The following SPATA9 variants were observed in gnomAD, a reference collection of about 807,000 sequenced individuals.
SPATA9 encodes spermatogenesis associated 9.
Under a neutral mutation model 25.5 loss-of-function variants are expected in SPATA9, and 27 were observed. The observed-to-expected ratio is 1.06, with a 90% CI of 0.78 to 1.46. The LOEUF is 1.46. Among genes scored for constraint, SPATA9 ranks in the 40% most tolerant of loss-of-function variants. SPATA9 has a pLI of 0.00. For missense variants in SPATA9, 282 were observed against 297.5 expected, an observed-to-expected ratio of 0.95 and a Z score of 0.38; for synonymous variants, 102 against 105.7, an observed-to-expected ratio of 0.97 and a Z score of 0.21.
upstream of SPATA9, among the ~76,000 whole-genome samples, chr5:95,699,315 C>T (rs1167621701): frequency 6.6e-6 from 1 of 152,102 alleles, no homozygotes; most frequent in Non-Finnish European, 1.5e-5. Flanking sequence ...CTTTACAGGG[C>T]TATCATAAAG....
the SPATA9 span, among the ~76,000 whole-genome samples, chr5:95,729,420 T>A: frequency 3.9e-5 from 6 of 152,350 alleles, no homozygotes; most frequent in African/African-American, 1.2e-4. Flanking sequence ...CACTTCCAAG[T>A]TGTCAGCAAC....
intron 2 of SPATA9, 27 bp from the exon 3 acceptor site, chr5:95,675,666 C>A: frequency 6.3e-7 from 1 of 1,596,620 alleles, no homozygotes; most frequent in Non-Finnish European, 8.6e-7. Context: ...TGAAAAGTAA[C>A]TGATGTGTAA....
chr5:95,675,840 T>A (rs1360202777), intron 2 of SPATA9, among the ~76,000 whole-genome samples: 2 of 144,882 alleles, frequency 1.4e-5, no homozygotes, highest in Non-Finnish European at 3.0e-5. Context: ...TTTTTTTTTT[T>A]TATGGAATTT....
At chr5:95,684,167 T>C (rs543534721), upstream of SPATA9, among the ~76,000 whole-genome samples, 2 of 152,312 alleles carry the variant, frequency 1.3e-5, no homozygotes, top group East Asian at 1.9e-4. Context: ...AAGATAACTA[T>C]GCCCTTAACA....
upstream of SPATA9, among the ~76,000 whole-genome samples, chr5:95,701,728 A>G (rs566503203): frequency 1.7e-4 from 26 of 152,212 alleles, no homozygotes; most frequent in African/African-American, 6.0e-4. Flanking sequence ...AAATCCCTAT[A>G]AGTAAGATCA....
chr5:95,653,184 C>G (rs141035673), exon 9 of SPATA9: 1 of 1,551,748 alleles, frequency 6.4e-7, no homozygotes, highest in Non-Finnish European at 8.7e-7. Context: ...TTCAGCTCAG[C>G]TGTCATCTCA....
downstream of SPATA9, chr5:95,656,200 T>A: frequency 6.2e-7 from 1 of 1,614,052 alleles, no homozygotes; most frequent in Admixed American, 1.7e-5. Context: ...ATTCACACAG[T>A]GACAGTAGAC....
chr5:95,654,187 C>T (rs1012236824), downstream of SPATA9: 2 of 1,612,598 alleles, frequency 1.2e-6, no homozygotes, highest in African/African-American at 2.7e-5. Flanking sequence ...GAGAAGTGGT[C>T]ATTTTCTACC....
At chr5:95,654,498 A>G (rs1458527202), downstream of SPATA9, 4 of 666,248 alleles carry the variant, frequency 6.0e-6, no homozygotes, top group African/African-American at 1.8e-5. Flanking sequence ...CATAAGATAA[A>G]TGAGAAATAT....
At chr5:95,711,588 G>A in the SPATA9 span, among the ~76,000 whole-genome samples, 3 of 152,190 alleles carry the variant, frequency 2.0e-5, no homozygotes, top group African/African-American at 7.2e-5. Flanking sequence ...AATGGGTGGC[G>A]AGCCCACAGG....
chr5:95,671,287 C>T (rs748208185), intron 3 of SPATA9, among the ~76,000 whole-genome samples: 4 of 152,176 alleles, frequency 2.6e-5, no homozygotes, highest in Admixed American at 6.5e-5. Flanking sequence ...TTTGATCATC[C>T]ACTTGCTACA....
intron 2 of SPATA9, among the ~76,000 whole-genome samples, chr5:95,679,779 A>G (rs1561412116): frequency 6.6e-6 from 1 of 152,208 alleles, no homozygotes; most frequent in Non-Finnish European, 1.5e-5. Context: ...CTATTATACC[A>G]TCTAGGAGTC....
At chr5:95,652,626 G>A (rs941690918), downstream of SPATA9, 3 of 315,688 alleles carry the variant, frequency 9.5e-6, no homozygotes, top group African/African-American at 4.3e-5. Context: ...CTTCATTCAA[G>A]TTCATCAACC....
In SPATA9 at chr5:95,658,787, G is replaced by T; in HGVS notation, c.601C>A (p.Pro201Thr). 1 of 1,613,824 alleles carries T rather than the reference G, an allele frequency of 6.2e-7. No individual in the cohort carries two copies. The highest frequency in any genetic ancestry group is 1.3e-5 in the African/African-American group (1 of 74,978). The stretch of plus-strand genomic sequence containing the variant: ...TTGATTTCACCTTCAGCAAACATAG[G>T]CTCCGAAAGCACAGGCTCAGAAAAG... The part of the protein sequence containing the change: ...KAFSEPVLSE[P>T]MFAEGEIKAK... The change falls in exon 5 of 5, where the codon CCT (proline) becomes ACT (threonine). Residue 201 changes from proline (P) to threonine (T), a missense_variant. Pro to Thr is a conservative substitution (Grantham distance 38). Coordinates refer to ENST00000274432, the MANE Select transcript of SPATA9 (RefSeq NM_031952.4).
chr5:95,707,669 C>T, the SPATA9 span, among the ~76,000 whole-genome samples: 2,365 of 152,220 alleles, frequency 0.016, 63 homozygotes, highest in African/African-American at 0.052. Flanking sequence ...TAGCTTGCCA[C>T]AGTATCTTAT....
chr5:95,654,097 G>C (rs1420814381), downstream of SPATA9: 1 of 1,611,664 alleles, frequency 6.2e-7, no homozygotes, highest in Non-Finnish European at 8.5e-7. Context: ...ATCCTGAAAA[G>C]AGGGAATATT....
chr5:95,652,246 C>A (rs999473092), downstream of SPATA9: 7 of 1,545,942 alleles, frequency 4.5e-6, no homozygotes, highest in Non-Finnish European at 6.1e-6. Flanking sequence ...TGCCTCTCTA[C>A]AACCTCTCTT....
intron 4 of SPATA9, among the ~76,000 whole-genome samples, chr5:95,660,730 C>T (rs1751184052): frequency 6.6e-6 from 1 of 152,152 alleles, no homozygotes; most frequent in East Asian, 1.9e-4. Context: ...TTCTAACCAC[C>T]TTTTTCCCAG....
At chr5:95,667,572 GAGACAAATATACAAGT>G (rs1751945576) in intron 3 of SPATA9, among the ~76,000 whole-genome samples, 1 of 152,096 alleles carries the variant, frequency 6.6e-6, no homozygotes, top group African/African-American at 2.4e-5. Flanking sequence ...AGGCTACACG[GAGACAAATATACAAGT>G]AGAGAGCAGA....
Sources: allele counts gnomAD v4.1 joint callset (sites outside exome capture counted in the v4.1 genomes callset), GRCh38; gene constraint gnomAD v4.1.1; transcripts MANE v1.5; gene names NCBI Gene and HGNC (gene_info 2026-07-23, HGNC 2026-07-21).